Variants in CUX2 observed in about 807,000 individuals in gnomAD.
The protein encoded by CUX2 is homeobox protein cut-like 2.
Under a neutral mutation model 144.8 loss-of-function variants are expected in CUX2, and 40 were observed. The observed-to-expected ratio is 0.28, with a 90% confidence interval of 0.21 to 0.36. CUX2 has a LOEUF of 0.36. Ranked by LOEUF, CUX2 falls within the 10% of genes least tolerant of loss-of-function variation. CUX2 has a pLI of 1.00. For missense variants in CUX2, 1,615 were observed against 1,994.0 expected, an observed-to-expected ratio of 0.81 and a Z score of 3.62; for synonymous variants, 827 against 875.6, an observed-to-expected ratio of 0.94 and a Z score of 0.98.
intron 1 of CUX2, among the ~76,000 whole-genome samples, chr12:111,103,969 C>G (rs1421917158): frequency 6.6e-6 from 1 of 152,204 alleles, no homozygotes; most frequent in Non-Finnish European, 1.5e-5. Flanking sequence ...CTGGGATTCC[C>G]CCTGATTGGA....
Position 111,214,277 on chromosome 12 carries a change from A to G in CUX2, c.141A>G (p.Glu47=), listed in dbSNP as rs1189920552. Residue 47 remains glutamate, a synonymous_variant, in exon 2 of 22, where the codon GAA becomes GAG. Transcript: ENST00000261726. The part of the protein sequence containing the change: ...ESEHSHKHLI[E]LRREFKKNVP... The stretch of plus-strand genomic sequence containing the variant: ...AACATTCTCATAAACATTTAATTGA[A>G]CTCCGCCGGGAATTTAAGAAAAATG... The G allele has an allele frequency of 6.2e-7, 1 of 1,608,172 alleles. No homozygotes were observed. Among genetic ancestry groups the G allele is most frequent in the Non-Finnish European group, 8.5e-7 (1 of 1,177,676 alleles).
Position 111,040,316 on chromosome 12 carries a change from T to C in CUX2, c.63+6076T>C, listed in dbSNP as rs182063528. On this transcript the variant is annotated intron_variant, in intron 1 of 21. Transcript: ENST00000261726. ...AAAAAAACGGAAAAAAATATACTCC[T>C]ATCATGTTTAGATTAAAATTCAAAT... Among the ~76,000 whole-genome samples the C allele has an allele frequency of 2.0e-3, 304 of 151,854 alleles. 5 individuals carry two copies. Among genetic ancestry groups the C allele is most frequent in the East Asian group, 7.2e-3 (37 of 5,158 alleles).
intron 20 of CUX2, 51 bp downstream of exon 20, chr12:111,338,525 CAGAACCATATCT>C: frequency 6.5e-7 from 1 of 1,538,478 alleles, no homozygotes; most frequent in Non-Finnish European, 8.8e-7. Context: ...AGATTTTCCC[CAGAACCATATCT>C]AGCTGTAACC....
In CUX2 at chr12:111,246,910, A is replaced by G. The variant is rs886906699; in HGVS notation, c.223-16851A>G. Among the ~76,000 whole-genome samples, 1 of 152,050 alleles carries G rather than the reference A, an allele frequency of 6.6e-6. No individual in the cohort carries two copies. Among genetic ancestry groups the G allele is most frequent in the African/African-American group, 2.4e-5 (1 of 41,362 alleles). On this transcript the variant is annotated intron_variant, in intron 3 of 21. Transcript: ENST00000261726. This position sits in a 1 kb window ranked among gnomAD's most constrained non-coding sequence, Gnocchi z 4.0. Reference sequence around the variant, plus strand: ...TCCCTGCCACCCTCTGCTGTGGTCTATGTCTTTCTGACTCTAGGACTGAGG... The same window carrying G: ...TCCCTGCCACCCTCTGCTGTGGTCTGTGTCTTTCTGACTCTAGGACTGAGG...
At chr12:111,095,333 T>G (rs1592889539) in intron 1 of CUX2, among the ~76,000 whole-genome samples, 2 of 152,140 alleles carry the variant, frequency 1.3e-5, no homozygotes, top group Admixed American at 1.3e-4. Context: ...GTGGCGCACG[T>G]CTGTAGTCCC....
rs1210372448 is a variant in CUX2 at position 111,265,483 on chromosome 12, AG to A, written c.301+1646del. 3.9e-5 allele frequency among the ~76,000 whole-genome samples: 6 copies of A among 152,024 alleles called. No homozygotes were observed. The South Asian group carries it at 8.3e-4, about 21-fold the overall frequency. On this transcript the variant is annotated intron_variant, in intron 4 of 21. Coordinates refer to ENST00000261726, the MANE Select transcript of CUX2 (RefSeq NM_015267.4). ...CAGCCTCCCGAGTAGCTGGGATTAC[AG>A]GCATGCACCACCATTCCCGGCTAAT...
intron 1 of CUX2, among the ~76,000 whole-genome samples, chr12:111,047,983 C>G (rs774289581): frequency 2.6e-5 from 4 of 152,118 alleles, no homozygotes; most frequent in African/African-American, 4.8e-5. Context: ...GGAGCCTGTG[C>G]AAAGGCCCTG....
Position 111,186,787 on chromosome 12 carries a change from T to G in CUX2, c.64-27413T>G, listed in dbSNP as rs1210902093. On this transcript the variant is annotated intron_variant, in intron 1 of 21. Transcript: ENST00000261726. This position sits in a 1 kb window ranked among gnomAD's most constrained non-coding sequence, Gnocchi z 4.4. ...AATCGATATGATGTGTGTATGTTTT[T>G]TTTTTTTTTGAGACAGAATTTCACC... is the stretch of plus-strand genomic sequence containing the variant. Among the ~76,000 whole-genome samples, 3 of 151,840 alleles carry G rather than the reference T, an allele frequency of 2.0e-5. No individual in the cohort carries two copies. The East Asian group carries it at 5.8e-4, about 29-fold the overall frequency.
intron 1 of CUX2, among the ~76,000 whole-genome samples, chr12:111,207,832 C>T (rs1881006173): frequency 6.6e-6 from 1 of 152,102 alleles, no homozygotes; most frequent in African/African-American, 2.4e-5. Flanking sequence ...TCAAAGCAGA[C>T]ACCTAACTTG....
chr12:111,144,686 T>C (rs1208936170), intron 1 of CUX2, among the ~76,000 whole-genome samples: 1 of 152,200 alleles, frequency 6.6e-6, no homozygotes, highest in East Asian at 1.9e-4. Context: ...TCCTGAATGC[T>C]TAAAGATGAA....
At chr12:111,184,368 A>C (rs1036708863) in intron 1 of CUX2, among the ~76,000 whole-genome samples, 7 of 152,054 alleles carry the variant, frequency 4.6e-5, no homozygotes. Flanking sequence ...ATGAGTGGGG[A>C]ATTGGAAGTA....
intron 1 of CUX2, among the ~76,000 whole-genome samples, chr12:111,083,126 C>T: frequency 6.6e-6 from 1 of 152,126 alleles, no homozygotes; most frequent in Non-Finnish European, 1.5e-5. Flanking sequence ...CCAAAAATGT[C>T]TCCAGATACT....
rs10525230 is a variant in CUX2, at chr12:111,061,178, G to GCACACACACACACACACACA, written c.63+26957_63+26976dup. ...TGTCCCCAGATGTGTGCATGCATATGCACACACACACACACACACACACAC... is the reference window on the plus strand; with the variant it reads ...TGTCCCCAGATGTGTGCATGCATATGCACACACACACACACACACACACACACACACACACACACACACAC... On this transcript the variant is annotated intron_variant, in intron 1 of 21. Transcript: ENST00000261726. This position sits in a 1 kb window ranked among gnomAD's most constrained non-coding sequence, Gnocchi z 4.2. Among the ~76,000 whole-genome samples the GCACACACACACACACACACA allele has an allele frequency of 7.0e-6, 1 of 143,632 alleles. No homozygotes were observed. The highest frequency in any genetic ancestry group is 2.5e-5 in the African/African-American group (1 of 39,228). 94.2% of individuals were successfully genotyped at this position (143,632 alleles called of 152,430 possible).
chr12:111,296,302 A>G (rs1351038942), intron 7 of CUX2, among the ~76,000 whole-genome samples, 171 bp from the exon 8 acceptor site: 1 of 152,132 alleles, frequency 6.6e-6, no homozygotes, highest in African/African-American at 2.4e-5. Flanking sequence ...CTTTAGGGGC[A>G]GGAAACTCAC....
rs1424070377 is a variant in CUX2 at position 111,203,021 on chromosome 12, C to G, written c.64-11179C>G. Among the ~76,000 whole-genome samples, 6 of 152,060 alleles carry G rather than the reference C, an allele frequency of 3.9e-5. 1 individual carries two copies. Among genetic ancestry groups the G allele is most frequent in the Admixed American group, 3.9e-4 (6 of 15,276 alleles). ...CCAAGGTGAGCGGATCACTTGAGGT[C>G]AGGAGTTAGAGACCAGACTGGCCAA... is the stretch of plus-strand genomic sequence containing the variant. On this transcript the variant is annotated intron_variant, in intron 1 of 21. Coordinates refer to ENST00000261726, the MANE Select transcript of CUX2 (RefSeq NM_015267.4).
intron 3 of CUX2, among the ~76,000 whole-genome samples, chr12:111,227,639 G>A (rs1882224125): frequency 6.6e-6 from 1 of 152,086 alleles, no homozygotes; most frequent in Non-Finnish European, 1.5e-5. Context: ...GCGCACTCTG[G>A]CTTTCTCCTA....
chr12:111,046,921 T>C (rs1259910986), intron 1 of CUX2, among the ~76,000 whole-genome samples: 1 of 152,246 alleles, frequency 6.6e-6, no homozygotes, highest in African/African-American at 2.4e-5. Context: ...CCTCCCACAG[T>C]GCTGGGATTG....
intron 2 of CUX2, among the ~76,000 whole-genome samples, chr12:111,215,031 ACT>A (rs3840797): frequency 0.35 from 53,863 of 151,830 alleles, 11,908 homozygotes; most frequent in East Asian, 0.64. Context: ...AAGCCCTCTG[ACT>A]CTATATAAAA....
chr12:111,142,472 A>G (rs1231144941), intron 1 of CUX2, among the ~76,000 whole-genome samples: 1 of 150,472 alleles, frequency 6.6e-6, no homozygotes, highest in Non-Finnish European at 1.5e-5. Context: ...CAGGTGAGGT[A>G]GCTCCGTCTG....
Sources: allele counts gnomAD v4.1 joint callset (sites outside exome capture counted in the v4.1 genomes callset), GRCh38; gene constraint gnomAD v4.1.1; non-coding constraint Gnocchi (gnomAD v3.1); transcripts MANE v1.5; gene names NCBI Gene and HGNC (gene_info 2026-07-23, HGNC 2026-07-21).